DNMBP: variants seen among roughly 807,000 people sequenced by gnomAD.
The protein encoded by DNMBP is dynamin binding protein.
A neutral mutation model predicts 150.0 loss-of-function variants in DNMBP; 87 were observed. That is an observed-to-expected ratio of 0.58 (90% CI 0.49 to 0.69). The LOEUF is 0.69. Ranked by LOEUF, DNMBP falls within the 30% of genes least tolerant of loss-of-function variation. The probability of loss-of-function intolerance (pLI) is 0.00; values close to 1 mark genes in which losing one functional copy is unlikely to be tolerated. For missense variants in DNMBP, 1,774 were observed against 1,949.0 expected (o/e 0.91, Z 1.69); for synonymous variants, 711 against 750.4 (o/e 0.95, Z 0.86).
At chr10:99,971,538 A>C (rs1448414354) in intron 2 of DNMBP, among the ~76,000 whole-genome samples, 1 of 150,536 alleles carries the variant, frequency 6.6e-6, no homozygotes, top group Non-Finnish European at 1.5e-5. Flanking sequence ...TTACTTATTT[A>C]GAGACAGAGT....
At chr10:99,975,094 T>C (rs2040714866) in intron 1 of DNMBP, among the ~76,000 whole-genome samples, 1 of 152,158 alleles carries the variant, frequency 6.6e-6, no homozygotes, top group Non-Finnish European at 1.5e-5. Flanking sequence ...GCACGGTGGC[T>C]CATGCCTGTA....
rs75551430 is a variant in DNMBP, at chr10:99,945,411, G to T, written c.2260+9803C>A. Among the ~76,000 whole-genome samples the T allele has an allele frequency of 6.6e-3, 1,009 of 152,348 alleles. 11 individuals carry two copies. The highest frequency in any genetic ancestry group is 0.023 in the African/African-American group (965 of 41,584). ...AGGAGGGCCAGGGTCTAATCAGTTA[G>T]CTTTGCTCATAGTTGTTGCTATGTA... On this transcript the variant is annotated intron_variant, in intron 4 of 16. Coordinates refer to ENST00000324109, the MANE Select transcript of DNMBP (RefSeq NM_015221.4).
At chr10:99,934,378 G>A (rs2040200363) in intron 4 of DNMBP, among the ~76,000 whole-genome samples, 1 of 147,358 alleles carries the variant, frequency 6.8e-6, no homozygotes, top group African/African-American at 2.5e-5. Flanking sequence ...TAATAATGAT[G>A]CGGCTTCATA....
At chr10:99,913,651 T>TC (rs1161649948) in intron 4 of DNMBP, among the ~76,000 whole-genome samples, 2 of 151,896 alleles carry the variant, frequency 1.3e-5, no homozygotes, top group African/African-American at 4.8e-5. Context: ...CCACCCCAAG[T>TC]CCTGATTCCA....
intron 1 of DNMBP, among the ~76,000 whole-genome samples, chr10:100,007,561 T>C (rs1019197828): frequency 6.6e-6 from 1 of 151,938 alleles, no homozygotes; most frequent in Admixed American, 6.6e-5. Context: ...CCTATGTGCC[T>C]GCCCTCAAGT....
At chr10:99,933,741 T>G (rs1449592426) in intron 4 of DNMBP, among the ~76,000 whole-genome samples, 5 of 152,314 alleles carry the variant, frequency 3.3e-5, no homozygotes, top group Non-Finnish European at 7.4e-5. Context: ...GTTTTTGTTT[T>G]TTTGTTTTTT....
At chr10:99,891,954 C>G (rs1310753075) in intron 11 of DNMBP, among the ~76,000 whole-genome samples, 1 of 121,670 alleles carries the variant, frequency 8.2e-6, no homozygotes, top group Admixed American at 7.7e-5. Context: ...CCGCCCCGTC[C>G]GGGAGGTGAG....
chr10:99,906,529 T>C (rs1003371435), intron 6 of DNMBP, among the ~76,000 whole-genome samples: 2 of 152,164 alleles, frequency 1.3e-5, no homozygotes, highest in Non-Finnish European at 2.9e-5. Flanking sequence ...GATCAGGTTA[T>C]AGAAGACTCT....
intron 5 of DNMBP, 112 bp downstream of exon 5, chr10:99,908,839 TCA>T (rs1225403611): frequency 1.4e-5 from 14 of 974,234 alleles, no homozygotes; most frequent in Non-Finnish European, 2.0e-5. Flanking sequence ...GCACTCACAG[TCA>T]CAGTTTCTAT....
chr10:99,912,565 C>T (rs1461977237), intron 4 of DNMBP, among the ~76,000 whole-genome samples: 1 of 152,132 alleles, frequency 6.6e-6, no homozygotes, highest in African/African-American at 2.4e-5. Context: ...ATTAAAAACC[C>T]CTGTGGGATG....
At position 99,973,685 on chromosome 10, in the gene DNMBP, GA is replaced by G. The variant is rs557253381; in HGVS notation, c.-10-1552del. Among the ~76,000 whole-genome samples the G allele has an allele frequency of 4.3e-4, 65 of 152,248 alleles. 2 individuals are homozygous for G. Among genetic ancestry groups the G allele is most frequent in the African/African-American group, 1.6e-3 (65 of 41,556 alleles). On this transcript the variant is annotated intron_variant, in intron 1 of 16. Transcript: ENST00000324109. Reference sequence around the variant, plus strand: ...GAACTATGCCTCAAAGGCCTAGATGGAAAACCTGTTGGGGACTGGCGCGGTG... The same window carrying G: ...GAACTATGCCTCAAAGGCCTAGATGGAAACCTGTTGGGGACTGGCGCGGTG...
chr10:99,969,287 C>T (rs1378666868), intron 2 of DNMBP, 50 bp from the exon 3 acceptor site: 1 of 1,606,658 alleles, frequency 6.2e-7, no homozygotes, highest in Non-Finnish European at 8.5e-7. Flanking sequence ...ATTTCTTTTC[C>T]CGTCTGTGTA....
chr10:99,935,332 G>A (rs1268304930), intron 4 of DNMBP, among the ~76,000 whole-genome samples: 1 of 151,960 alleles, frequency 6.6e-6, no homozygotes, highest in African/African-American at 2.4e-5. Flanking sequence ...CTACCATTAA[G>A]GAACTGTAAC....
At chr10:99,910,181 A>G in intron 4 of DNMBP, among the ~76,000 whole-genome samples, 1 of 152,068 alleles carries the variant, frequency 6.6e-6, no homozygotes, top group Admixed American at 6.6e-5. Flanking sequence ...AAACTACTTA[A>G]GGAAAGTCGG....
At position 99,882,152 on chromosome 10, in the gene DNMBP, G is replaced by A. The variant is rs1254194156; in HGVS notation, c.3998-1791C>T. Reference sequence around the variant, plus strand: ...AAATACCATATAATCTCATTCACGTGGAATCTAGACAAGTTGATCTCATAG... The same window carrying A: ...AAATACCATATAATCTCATTCACGTAGAATCTAGACAAGTTGATCTCATAG... On this transcript the variant is annotated intron_variant, in intron 15 of 16. Coordinates refer to ENST00000324109, the MANE Select transcript of DNMBP (RefSeq NM_015221.4). 3.9e-5 allele frequency among the ~76,000 whole-genome samples: 6 copies of A among 152,128 alleles called. No individual in the cohort carries two copies. In the East Asian group the frequency reaches 1.2e-3, roughly 29 times the overall value.
At chr10:99,888,663 G>A (rs1406619692) in intron 12 of DNMBP, among the ~76,000 whole-genome samples, 162 bp downstream of exon 12, 1 of 152,126 alleles carries the variant, frequency 6.6e-6, no homozygotes, top group Non-Finnish European at 1.5e-5. Flanking sequence ...TTAACTAACT[G>A]AAAGTCATGT....
At chr10:99,881,377 G>A (rs182728837) in intron 15 of DNMBP, among the ~76,000 whole-genome samples, 11 of 152,314 alleles carry the variant, frequency 7.2e-5, no homozygotes, top group East Asian at 5.8e-4. Context: ...TACACGTAAC[G>A]TGTACTGCAC....
At position 99,955,287 on chromosome 10, in the gene DNMBP, T is replaced by G. The variant is rs769482432; in HGVS notation, c.2187A>C (p.Ala729=). The change falls in exon 4 of 17, where the codon GCA becomes GCC. Residue 729 remains alanine (A), a synonymous_variant. Coordinates refer to ENST00000324109, the MANE Select transcript of DNMBP (RefSeq NM_015221.4). ...AGAACTTGAGATCCTCGAGGGTCTCTGCTCTTGATGATTCATCCTGCTTCT... is the reference window on the plus strand; with the variant it reads ...AGAACTTGAGATCCTCGAGGGTCTCGGCTCTTGATGATTCATCCTGCTTCT... ...LEEKQDESSR[A]ETLEDLKFCE... The G allele has an allele frequency of 1.9e-6, 3 of 1,614,172 alleles. No homozygotes were observed. Among genetic ancestry groups the G allele is most frequent in the Non-Finnish European group, 2.5e-6 (3 of 1,180,012 alleles).
intron 1 of DNMBP, among the ~76,000 whole-genome samples, chr10:99,979,167 A>G (rs1335245127): frequency 1.3e-5 from 2 of 152,226 alleles, no homozygotes; most frequent in Non-Finnish European, 2.9e-5. Flanking sequence ...TGGGTAAGCT[A>G]ATCATTTGAT....
Sources: gnomAD v4.1 joint callset for allele counts (sites outside exome capture counted in the v4.1 genomes callset) on GRCh38, gnomAD v4.1.1 for gene constraint, MANE v1.5 for transcripts, NCBI Gene and HGNC (gene_info 2026-07-23, HGNC 2026-07-21) for gene names.